ASTN2: variants seen among roughly 807,000 people sequenced by gnomAD.
ASTN2 encodes the protein astrotactin-2.
A neutral mutation model predicts 139.8 loss-of-function variants in ASTN2; 54 were observed. The ratio of observed to expected loss-of-function variants is 0.39; its 90% CI spans 0.31 to 0.48. The LOEUF (loss-of-function observed/expected upper bound fraction) is 0.48. Among genes scored for constraint, ASTN2 ranks in the 20% least tolerant of loss-of-function variants. ASTN2 has a pLI of 0.95. For synonymous variants in ASTN2, 756 were observed against 719.5 expected, an observed-to-expected ratio of 1.05 and a Z score of -0.81; for missense variants, 1,565 against 1,725.1, an observed-to-expected ratio of 0.91 and a Z score of 1.64.
At chr9:116,448,208 T>C (rs1318292007) in intron 20 of ASTN2, among the ~76,000 whole-genome samples, 1 of 141,832 alleles carries the variant, frequency 7.1e-6, no homozygotes, top group Non-Finnish European at 1.5e-5. Flanking sequence ...GCCCCAGTCT[T>C]GTAAAATGCT....
intron 3 of ASTN2, among the ~76,000 whole-genome samples, chr9:117,178,040 C>T (rs775895559): frequency 1.3e-5 from 2 of 152,202 alleles, no homozygotes; most frequent in African/African-American, 2.4e-5. Context: ...CTTACCCACT[C>T]CATCCTATTG....
intron 6 of ASTN2, among the ~76,000 whole-genome samples, chr9:117,020,002 C>CTGTGTGTGTGTGTGTGTG (rs57575432): frequency 9.1e-4 from 128 of 140,794 alleles, no homozygotes; most frequent in Non-Finnish European, 1.5e-3. Flanking sequence ...TTCAGGGTTT[C>CTGTGTGTGTGTGTGTGTG]TGTGTGTGTG....
chr9:116,934,136 C>T (rs1834999083), intron 10 of ASTN2, among the ~76,000 whole-genome samples: 1 of 151,960 alleles, frequency 6.6e-6, no homozygotes, highest in African/African-American at 2.4e-5. Context: ...ACACAGTGTG[C>T]TGTTGTATAT....
In ASTN2 at chr9:116,731,492, G is replaced by A. The variant is rs1020850773; in HGVS notation, c.2521+1907C>T. 5.1e-4 allele frequency among the ~76,000 whole-genome samples: 78 copies of A among 151,844 alleles called. 2 individuals are homozygous for A. Among genetic ancestry groups the A allele is most frequent in the Admixed American group, 4.0e-3 (61 of 15,230 alleles). On this transcript the variant is annotated intron_variant, in intron 14 of 22. Transcript: ENST00000313400. ...TGCTGGAGTGCAGTGGCAAGATCTCGGCTCACTGCAACCTCCACCTCCTGG... is the reference window on the plus strand; with the variant it reads ...TGCTGGAGTGCAGTGGCAAGATCTCAGCTCACTGCAACCTCCACCTCCTGG...
intron 6 of ASTN2, among the ~76,000 whole-genome samples, chr9:117,019,482 G>C (rs1197033363): frequency 6.6e-6 from 1 of 152,090 alleles, no homozygotes; most frequent in African/African-American, 2.4e-5. Flanking sequence ...CTGGGGCAAT[G>C]TAATAACAGG....
intron 10 of ASTN2, among the ~76,000 whole-genome samples, chr9:116,921,359 C>G (rs183449224): frequency 1.3e-5 from 2 of 152,076 alleles, no homozygotes; most frequent in East Asian, 1.9e-4. Flanking sequence ...GAGGCTGAGG[C>G]GGGCGGATCA....
intron 3 of ASTN2, among the ~76,000 whole-genome samples, chr9:117,146,475 G>GAA (rs61356397): frequency 8.1e-4 from 98 of 120,658 alleles, no homozygotes; most frequent in Non-Finnish European, 1.5e-3. Flanking sequence ...GAAGAGGAGA[G>GAA]AAAAAAAAAA....
At chr9:116,440,823 C>T (rs756069785) in intron 21 of ASTN2, 31 bp from the exon 22 acceptor site, 21 of 1,591,504 alleles carry the variant, frequency 1.3e-5, no homozygotes, top group Non-Finnish European at 1.7e-5. Context: ...AAACAGATCA[C>T]TGGGTGGTGA....
intron 19 of ASTN2, among the ~76,000 whole-genome samples, chr9:116,597,568 G>A (rs1400711327): frequency 6.6e-6 from 1 of 151,972 alleles, no homozygotes; most frequent in African/African-American, 2.4e-5. Flanking sequence ...GGGATTATAG[G>A]CGTGAACCAC....
At chr9:116,739,654 T>C (rs1414838697) in intron 13 of ASTN2, among the ~76,000 whole-genome samples, 1 of 152,212 alleles carries the variant, frequency 6.6e-6, no homozygotes, top group Admixed American at 6.5e-5. Flanking sequence ...TTTCTAACGA[T>C]ACATGTGCTC....
At chr9:117,128,857 C>A (rs1401637588) in intron 4 of ASTN2, among the ~76,000 whole-genome samples, 1 of 152,192 alleles carries the variant, frequency 6.6e-6, no homozygotes, top group Non-Finnish European at 1.5e-5. Flanking sequence ...TGGATGGCAG[C>A]AGGCAAAGAG....
At chr9:116,450,266 G>A (rs1341926934) in intron 20 of ASTN2, among the ~76,000 whole-genome samples, 2 of 152,176 alleles carry the variant, frequency 1.3e-5, no homozygotes, top group Non-Finnish European at 2.9e-5. Context: ...AATTGTGACA[G>A]AAATCACAGC....
intron 10 of ASTN2, among the ~76,000 whole-genome samples, chr9:116,863,938 C>T (rs1588364815): frequency 6.6e-6 from 1 of 152,194 alleles, no homozygotes; most frequent in East Asian, 1.9e-4. Flanking sequence ...AGAAATGGAC[C>T]TAGAACTCTA....
At chr9:117,260,069 T>C (rs547656446) in intron 2 of ASTN2, among the ~76,000 whole-genome samples, 104 of 152,182 alleles carry the variant, frequency 6.8e-4, no homozygotes, top group African/African-American at 2.4e-3. Context: ...GTCATCTCCC[T>C]TTTTCCCCAA....
At chr9:117,083,147 C>T (rs1275844733) in intron 5 of ASTN2, among the ~76,000 whole-genome samples, 1 of 152,084 alleles carries the variant, frequency 6.6e-6, no homozygotes, top group Non-Finnish European at 1.5e-5. Flanking sequence ...CTATTTCCCA[C>T]CATATTCCTG....
intron 19 of ASTN2, among the ~76,000 whole-genome samples, chr9:116,502,586 C>T (rs1849905772): frequency 6.7e-6 from 1 of 150,112 alleles, no homozygotes; most frequent in Non-Finnish European, 1.5e-5. Flanking sequence ...GAGACATAGA[C>T]AGGAGTTGGT....
intron 10 of ASTN2, among the ~76,000 whole-genome samples, chr9:116,921,699 G>A (rs550774818): frequency 8.6e-5 from 13 of 151,926 alleles, no homozygotes; most frequent in Non-Finnish European, 1.9e-4. Flanking sequence ...ACTTACAATC[G>A]TGTTGGAAGG....
intron 19 of ASTN2, among the ~76,000 whole-genome samples, chr9:116,547,947 A>G (rs1852172166): frequency 6.6e-6 from 1 of 152,058 alleles, no homozygotes; most frequent in African/African-American, 2.4e-5. Context: ...CGGGAGGCAT[A>G]CACTCCCAAC....
intron 2 of ASTN2, among the ~76,000 whole-genome samples, chr9:117,250,693 A>T (rs1173808632): frequency 6.6e-6 from 1 of 152,190 alleles, no homozygotes; most frequent in Non-Finnish European, 1.5e-5. Context: ...ATATTTGCCA[A>T]AACACTGGCT....
Sources: allele counts gnomAD v4.1 joint callset (sites outside exome capture counted in the v4.1 genomes callset), GRCh38; gene constraint gnomAD v4.1.1; transcripts MANE v1.5; gene names NCBI Gene and HGNC (gene_info 2026-07-23, HGNC 2026-07-21).